SPOP: variants seen among roughly 807,000 people sequenced by gnomAD.
The protein encoded by SPOP is speckle type BTB/POZ protein, also known as speckle-type POZ protein.
A neutral mutation model predicts 45.6 loss-of-function variants in SPOP; 11 were observed. The ratio of observed to expected loss-of-function variants is 0.24; its 90% confidence interval spans 0.15 to 0.40. The LOEUF is 0.40. Among genes scored for constraint, SPOP ranks in the 10% least tolerant of loss-of-function variants. The pLI is 1.00. For missense variants in SPOP, 152 were observed against 465.6 expected, an observed-to-expected ratio of 0.33 and a Z score of 6.20; for synonymous variants, 166 against 166.3, an observed-to-expected ratio of 1.00 and a Z score of 0.01.
chr17:49,660,654 C>G (rs2072974932), intron 1 of SPOP, among the ~76,000 whole-genome samples: 1 of 152,178 alleles, frequency 6.6e-6, no homozygotes, highest in South Asian at 2.1e-4. Flanking sequence ...AATTTAATCT[C>G]CCCATTATTT....
chr17:49,603,900 T>A (rs972955582), intron 8 of SPOP, among the ~76,000 whole-genome samples: 2 of 152,240 alleles, frequency 1.3e-5, no homozygotes, highest in Non-Finnish European at 2.9e-5. Flanking sequence ...CAGTTCAGGC[T>A]GATCACCATG....
chr17:49,676,564 T>C (rs1446738566), intron 1 of SPOP, among the ~76,000 whole-genome samples: 1 of 152,136 alleles, frequency 6.6e-6, no homozygotes, highest in Non-Finnish European at 1.5e-5. Flanking sequence ...AAAGTAAGGC[T>C]TACTAATAGT....
intron 1 of SPOP, among the ~76,000 whole-genome samples, chr17:49,662,585 G>A (rs1486822332): frequency 1.3e-5 from 2 of 152,014 alleles, no homozygotes; most frequent in Non-Finnish European, 2.9e-5. Flanking sequence ...TACTCGGGAG[G>A]TTGAGGCAGG....
rs374401933 is a variant in SPOP at position 49,600,355 on chromosome 17, G to T, written c.*23C>A. ...TGGCTGCTGCTTCTGGAAATTAAAC[G>T]GAGTCTTACAACAAGCAGGATCTTA... On this transcript the variant is annotated 3_prime_UTR_variant, in exon 10 of 10. Transcript: ENST00000504102. The surrounding 1 kb of genome is among the most constrained non-coding windows in gnomAD (Gnocchi z 4.2). The T allele has an allele frequency of 6.8e-6, 11 of 1,613,092 alleles. No homozygotes were observed. The highest frequency in any genetic ancestry group is 3.5e-4 in the Middle Eastern group (2 of 5,646).
chr17:49,649,483 C>A (rs907104073), intron 1 of SPOP, among the ~76,000 whole-genome samples: 3 of 149,504 alleles, frequency 2.0e-5, no homozygotes, highest in African/African-American at 7.4e-5. Context: ...TTGCAGTGAG[C>A]TAAGATTGTG....
chr17:49,657,344 T>C (rs188766536), intron 1 of SPOP, among the ~76,000 whole-genome samples: 13 of 152,300 alleles, frequency 8.5e-5, no homozygotes, highest in African/African-American at 3.1e-4. Context: ...GAATAAATCC[T>C]AAGGAATCAA....
chr17:49,647,612 C>G (rs1009460610), intron 1 of SPOP, among the ~76,000 whole-genome samples: 2 of 152,222 alleles, frequency 1.3e-5, no homozygotes, highest in East Asian at 1.9e-4. Flanking sequence ...TCCCGAGTAG[C>G]TGGGATTACA....
At chr17:49,634,091 A>G (rs1164850182) in intron 1 of SPOP, among the ~76,000 whole-genome samples, 1 of 152,196 alleles carries the variant, frequency 6.6e-6, no homozygotes, top group Admixed American at 6.5e-5. Flanking sequence ...AATACCTGAA[A>G]TGGAAGGACA....
chr17:49,670,559 T>C (rs2073123757), intron 1 of SPOP, among the ~76,000 whole-genome samples: 1 of 152,224 alleles, frequency 6.6e-6, no homozygotes, highest in South Asian at 2.1e-4. Context: ...TACCACTACA[T>C]TGTAGGAGTC....
chr17:49,644,939 A>G (rs2072727464), intron 1 of SPOP, among the ~76,000 whole-genome samples: 2 of 152,204 alleles, frequency 1.3e-5, no homozygotes, highest in African/African-American at 4.8e-5. Context: ...TAAATAAATA[A>G]AACTTTAGCT....
chr17:49,607,197 A>T, intron 8 of SPOP, 53 bp downstream of exon 8: 1 of 1,610,896 alleles, frequency 6.2e-7, no homozygotes, highest in Non-Finnish European at 8.5e-7. Flanking sequence ...TTCATGAAAC[A>T]CAAGAAGTCA....
rs192638563 is a variant in SPOP, at chr17:49,628,279, A to G, written c.-66-5403T>C. ...CATTTATTTTCCTGCTTACTCTATT[A>G]AATTCTGACCTGTGAGAACAGACCT... is the stretch of plus-strand genomic sequence containing the variant. On this transcript the variant is annotated intron_variant, in intron 1 of 9. Transcript: ENST00000504102. Among the ~76,000 whole-genome samples, 5 of 152,354 alleles carry G rather than the reference A, an allele frequency of 3.3e-5. No homozygotes were observed. In the East Asian group the frequency reaches 9.6e-4, roughly 29 times the overall value.
chr17:49,660,163 C>T (rs1239466371), intron 1 of SPOP, among the ~76,000 whole-genome samples: 1 of 152,242 alleles, frequency 6.6e-6, no homozygotes, highest in Non-Finnish European at 1.5e-5. Context: ...TGGACTTCCA[C>T]CAACCTCTCT....
At chr17:49,637,737 G>C in intron 1 of SPOP, among the ~76,000 whole-genome samples, 1 of 152,226 alleles carries the variant, frequency 6.6e-6, no homozygotes, top group East Asian at 1.9e-4. Flanking sequence ...AGAAAAGAGA[G>C]ATCACTGTTG....
At chr17:49,609,316 T>G (rs2071918214) in intron 6 of SPOP, among the ~76,000 whole-genome samples, 1 of 152,200 alleles carries the variant, frequency 6.6e-6, no homozygotes. Flanking sequence ...TGTTCTTATT[T>G]CAGAAGGGTT....
chr17:49,621,745 T>A (rs1317296147), intron 3 of SPOP, among the ~76,000 whole-genome samples: 1 of 152,272 alleles, frequency 6.6e-6, no homozygotes, highest in African/African-American at 2.4e-5. Flanking sequence ...TGATTTCTGA[T>A]ATACTCATTG....
At position 49,615,490 on chromosome 17, in the gene SPOP, C is replaced by CTATT. The variant is rs532797342; in HGVS notation, c.480+3487_480+3490dup. Among the ~76,000 whole-genome samples, 355 of 151,932 alleles carry CTATT rather than the reference C, an allele frequency of 2.3e-3. 2 individuals carry two copies. Among genetic ancestry groups the CTATT allele is most frequent in the African/African-American group, 7.4e-3 (307 of 41,422 alleles). On this transcript the variant is annotated intron_variant, in intron 5 of 9. Transcript: ENST00000504102. ...GGAATTTAAACATGCCTTCATGTCT[C>CTATT]TATTTATTTATTTATTTATTTATTT...
chr17:49,614,107 T>A (rs1056075205), intron 5 of SPOP, among the ~76,000 whole-genome samples: 1 of 152,200 alleles, frequency 6.6e-6, no homozygotes, highest in Non-Finnish European at 1.5e-5. Context: ...TCTTGTACAT[T>A]TCATCTATAC....
At chr17:49,625,946 T>G (rs1402516332) in intron 1 of SPOP, among the ~76,000 whole-genome samples, 1 of 152,338 alleles carries the variant, frequency 6.6e-6, no homozygotes. Context: ...TATCTGTTAA[T>G]TAGGGATGAC....
Sources: allele counts gnomAD v4.1 joint callset (sites outside exome capture counted in the v4.1 genomes callset), GRCh38; gene constraint gnomAD v4.1.1; non-coding constraint Gnocchi (gnomAD v3.1); transcripts MANE v1.5; gene names NCBI Gene and HGNC (gene_info 2026-07-23, HGNC 2026-07-21).